The following SMAD9 variants were observed in gnomAD, a reference collection of about 807,000 sequenced individuals.
SMAD9 encodes MAD homolog 9.
In SMAD9, 36 loss-of-function variants were observed where a neutral mutation model predicts 46.1. The observed-to-expected ratio is 0.78, with a 90% CI of 0.60 to 1.03. SMAD9 has a LOEUF of 1.03. Ranked by LOEUF, SMAD9 falls within the 50% of genes least tolerant of loss-of-function variation. The pLI, the probability that SMAD9 is intolerant of heterozygous loss-of-function variation, is 0.00. For missense variants in SMAD9, 572 were observed against 599.8 expected, an observed-to-expected ratio of 0.95 and a Z score of 0.48; for synonymous variants, 245 against 237.1, an observed-to-expected ratio of 1.03 and a Z score of -0.31.
chr13:36,866,172 A>G (rs1225947354), intron 4 of SMAD9, among the ~76,000 whole-genome samples: 1 of 152,144 alleles, frequency 6.6e-6, no homozygotes, highest in African/African-American at 2.4e-5. Context: ...GCCCACTTGA[A>G]TCCTTGTGGC....
chr13:36,870,445 C>T (rs1198036677), intron 3 of SMAD9, among the ~76,000 whole-genome samples: 2 of 152,178 alleles, frequency 1.3e-5, no homozygotes, highest in East Asian at 1.9e-4. Flanking sequence ...TCTCTGCCTT[C>T]ACCCTACAGT....
intron 1 of SMAD9, among the ~76,000 whole-genome samples, chr13:36,910,054 G>A (rs866408360): frequency 3.9e-5 from 6 of 151,992 alleles, no homozygotes; most frequent in East Asian, 1.9e-4. Flanking sequence ...AAAATTATCC[G>A]GGCGTGGTGG....
chr13:36,885,149 A>G (rs759642295), intron 1 of SMAD9, among the ~76,000 whole-genome samples: 1 of 152,236 alleles, frequency 6.6e-6, no homozygotes, highest in African/African-American at 2.4e-5. Flanking sequence ...ATCCCCTCCA[A>G]GAAACATATT....
rs201681604 is a variant in SMAD9 at position 36,872,847 on chromosome 13, G to A, written c.481C>T (p.Arg161Cys). The A allele has an allele frequency of 3.0e-5, 48 of 1,613,996 alleles. No individual in the cohort carries two copies. Among genetic ancestry groups the A allele is most frequent in the African/African-American group, 6.7e-5 (5 of 74,892 alleles). ...GGCTCACTGTGCAGGGAGGCGCTGC[G>A]GAACTTGGCCAGGAGGCTGAGCTGG... is the stretch of plus-strand genomic sequence containing the variant. The part of the protein sequence containing the change: ...NPQLSLLAKF[R>C]SASLHSEPLM... The change falls in exon 3 of 7, where the codon CGC becomes TGC. Residue 161 changes from arginine to cysteine, a missense_variant. Transcript: ENST00000379826.
chr13:36,911,753 G>C (rs1193961742), intron 1 of SMAD9, among the ~76,000 whole-genome samples: 2 of 152,042 alleles, frequency 1.3e-5, no homozygotes, highest in Non-Finnish European at 2.9e-5. Flanking sequence ...TTGTTTCCCA[G>C]GACGGAGTAC....
chr13:36,866,526 G>A (rs1203789785), intron 4 of SMAD9, among the ~76,000 whole-genome samples: 2 of 152,010 alleles, frequency 1.3e-5, no homozygotes, highest in East Asian at 3.9e-4. Flanking sequence ...TCTCTTCCTT[G>A]AACATCCTTG....
chr13:36,850,826 C>A (rs1248834036), intron 6 of SMAD9, among the ~76,000 whole-genome samples: 1 of 152,212 alleles, frequency 6.6e-6, no homozygotes. Context: ...GGCTACTCAG[C>A]AACTCCACTT....
At chr13:36,881,446 T>A (rs1359931314) in intron 1 of SMAD9, among the ~76,000 whole-genome samples, 2 of 152,234 alleles carry the variant, frequency 1.3e-5, no homozygotes, top group African/African-American at 2.4e-5. Context: ...TCTATAAACT[T>A]CTTTCGAACA....
chr13:36,879,816 C>G lies in SMAD9; in HGVS notation c.-127G>C, dbSNP rs1011614350. The G allele has an allele frequency of 5.8e-6, 6 of 1,037,938 alleles. No individual in the cohort carries two copies. The Admixed American group carries it at 6.1e-5, about 11-fold the overall frequency. The allele number at this position is 1,037,938 out of a possible 1,614,324, so 64.3% of individuals were successfully genotyped here. ...CCCGTTCTTCTGGGAGCAGCTGGGA[C>G]CAATTCAAGTTGCGAAGTGTGTTGA... On this transcript the variant is annotated 5_prime_UTR_variant, in exon 2 of 7. Coordinates refer to ENST00000379826, the MANE Select transcript of SMAD9 (RefSeq NM_001127217.3).
intron 1 of SMAD9, among the ~76,000 whole-genome samples, chr13:36,907,512 G>A (rs2058628799): frequency 6.6e-6 from 1 of 151,980 alleles, no homozygotes; most frequent in Non-Finnish European, 1.5e-5. Context: ...TACAAAAGTG[G>A]TTGTTGTTTT....
intron 1 of SMAD9, among the ~76,000 whole-genome samples, chr13:36,902,803 AT>A (rs543605243): frequency 1.1e-3 from 164 of 152,170 alleles, no homozygotes; most frequent in African/African-American, 3.3e-3. Context: ...TTTAAAAATT[AT>A]TTATTGTTTC....
chr13:36,853,335 C>A (rs913057406), intron 6 of SMAD9, 84 bp downstream of exon 6: 1 of 1,361,722 alleles, frequency 7.3e-7, no homozygotes, highest in East Asian at 2.3e-5. Flanking sequence ...ATTGACCGCA[C>A]AACTGCCTGC....
intron 2 of SMAD9, among the ~76,000 whole-genome samples, chr13:36,874,829 G>C (rs1034647053): frequency 1.6e-5 from 2 of 125,052 alleles, no homozygotes; most frequent in African/African-American, 3.2e-5. Context: ...CTGCACTCCA[G>C]CCTGGGCAGA....
chr13:36,873,979 C>T (rs961904802), intron 2 of SMAD9, among the ~76,000 whole-genome samples: 1 of 152,212 alleles, frequency 6.6e-6, no homozygotes, highest in African/African-American at 2.4e-5. Context: ...TGATTATACA[C>T]AAAATTTCAG....
At chr13:36,873,435 C>A (rs1451090912) in intron 2 of SMAD9, among the ~76,000 whole-genome samples, 1 of 152,142 alleles carries the variant, frequency 6.6e-6, no homozygotes, top group Non-Finnish European at 1.5e-5. Context: ...GATGACCAGA[C>A]TCAATTTCAG....
chr13:36,890,353 G>A (rs1400459838), intron 1 of SMAD9, among the ~76,000 whole-genome samples: 1 of 152,176 alleles, frequency 6.6e-6, no homozygotes, highest in East Asian at 1.9e-4. Flanking sequence ...AATCAAATTA[G>A]TTTTGAGGAC....
intron 5 of SMAD9, among the ~76,000 whole-genome samples, chr13:36,859,331 C>G (rs1043124350): frequency 2.0e-5 from 3 of 152,146 alleles, no homozygotes; most frequent in African/African-American, 7.2e-5. Flanking sequence ...GAGTTTGAAA[C>G]AGAGTGACTC....
rs944164336 is a variant in SMAD9, at chr13:36,879,779, G to A, written c.-90C>T. 4 of 1,429,554 alleles carry A rather than the reference G, an allele frequency of 2.8e-6. No homozygotes were observed. Among genetic ancestry groups the A allele is most frequent in the Non-Finnish European group, 3.9e-6 (4 of 1,026,008 alleles). The allele number at this position is 1,429,554 out of a possible 1,614,324, so 88.6% of individuals were successfully genotyped here. ...CGAGTAGCTCTCCAGGGGTGGCATA[G>A]GGACCAACCCGCCCGTTCTTCTGGG... On this transcript the variant is annotated 5_prime_UTR_variant, in exon 2 of 7. Transcript: ENST00000379826.
At position 36,896,816 on chromosome 13, in the gene SMAD9, T is replaced by C. The variant is rs151202162; in HGVS notation, c.-186-16941A>G. Among the ~76,000 whole-genome samples, 23 of 152,266 alleles carry C rather than the reference T, an allele frequency of 1.5e-4. No homozygotes were observed. In the East Asian group the frequency reaches 4.2e-3, roughly 28 times the overall value. ...ATAATTCATTTATAAATATATCTTA[T>C]ATTCTGCCTATTTCAATGAATGGTA... On this transcript the variant is annotated intron_variant, in intron 1 of 6. Transcript: ENST00000379826.
Sources: gnomAD v4.1 joint callset for allele counts (sites outside exome capture counted in the v4.1 genomes callset) on GRCh38, gnomAD v4.1.1 for gene constraint, MANE v1.5 for transcripts, NCBI Gene and HGNC (gene_info 2026-07-23, HGNC 2026-07-21) for gene names.